PGM5: variants seen among roughly 807,000 people sequenced by gnomAD.
PGM5 encodes phosphoglucomutase-like protein 5.
A neutral mutation model predicts 59.2 loss-of-function variants in PGM5; 23 were observed. The ratio of observed to expected loss-of-function variants is 0.39; its 90% CI spans 0.28 to 0.55. The LOEUF is 0.55. Ranked by LOEUF, PGM5 falls within the 20% of genes least tolerant of loss-of-function variation. The probability of loss-of-function intolerance (pLI) is 0.66; values close to 1 mark genes in which losing one functional copy is unlikely to be tolerated. For synonymous variants in PGM5, 214 were observed against 286.0 expected, an observed-to-expected ratio of 0.75 and a Z score of 2.54; for missense variants, 574 against 748.3, an observed-to-expected ratio of 0.77 and a Z score of 2.72.
chr9:68,394,337 C>T (rs1227547182), intron 6 of PGM5: 1 of 152,060 alleles, frequency 6.6e-6, no homozygotes, highest in African/African-American at 2.4e-5. Flanking sequence ...TATGATGACG[C>T]ATGCCTGTAA....
At chr9:68,498,328 A>T (rs1044050814) in intron 9 of PGM5, 2 of 151,996 alleles carry the variant, frequency 1.3e-5, no homozygotes, top group Admixed American at 1.3e-4. Flanking sequence ...ACAAATGCAT[A>T]TCTGATTGTT....
intron 6 of PGM5, among the ~76,000 whole-genome samples, chr9:68,461,855 A>G (rs544181802): frequency 6.6e-6 from 1 of 152,198 alleles, no homozygotes; most frequent in African/African-American, 2.4e-5. Context: ...GGCAACTTGA[A>G]GTATTCTGAC....
intron 6 of PGM5, among the ~76,000 whole-genome samples, chr9:68,417,432 G>C (rs1168195862): frequency 6.6e-6 from 1 of 152,046 alleles, no homozygotes; most frequent in Non-Finnish European, 1.5e-5. Flanking sequence ...CGGGGGACGT[G>C]TGAAATGCTT....
intron 1 of PGM5, among the ~76,000 whole-genome samples, chr9:68,364,999 G>C (rs1207357982): frequency 1.3e-5 from 2 of 152,248 alleles, no homozygotes; most frequent in African/African-American, 4.8e-5. Context: ...CTTGCCCTAA[G>C]AATTTTCTAT....
intron 10 of PGM5, among the ~76,000 whole-genome samples, chr9:68,507,105 A>G (rs1824670592): frequency 6.6e-6 from 1 of 152,196 alleles, no homozygotes; most frequent in Non-Finnish European, 1.5e-5. Context: ...GAAATACCTC[A>G]TTTTATTTTT....
chr9:68,508,740 C>T (rs868945282), intron 10 of PGM5, among the ~76,000 whole-genome samples: 2 of 152,194 alleles, frequency 1.3e-5, no homozygotes, highest in Non-Finnish European at 2.9e-5. Context: ...AAGCTGTGTC[C>T]AGCACAATCT....
intron 7 of PGM5, among the ~76,000 whole-genome samples, chr9:68,465,682 A>G (rs1488346519): frequency 6.6e-6 from 1 of 152,192 alleles, no homozygotes; most frequent in Non-Finnish European, 1.5e-5. Flanking sequence ...CAGTACCATT[A>G]TCACACCTAA....
At chr9:68,453,153 T>C (rs1375998630) in intron 6 of PGM5, among the ~76,000 whole-genome samples, 1 of 152,234 alleles carries the variant, frequency 6.6e-6, no homozygotes, top group Non-Finnish European at 1.5e-5. Context: ...AATGAGCATT[T>C]GGTTTTGAAA....
At chr9:68,359,031 T>C (rs1183565035) in intron 1 of PGM5, among the ~76,000 whole-genome samples, 8 of 152,210 alleles carry the variant, frequency 5.3e-5, no homozygotes, top group African/African-American at 1.7e-4. Context: ...CTCATACTTC[T>C]TCCCGAGCCA....
chr9:68,364,160 G>A (rs1222030343), intron 1 of PGM5, among the ~76,000 whole-genome samples: 1 of 152,004 alleles, frequency 6.6e-6, no homozygotes, highest in Non-Finnish European at 1.5e-5. Context: ...GAATGTCTCA[G>A]TGTCTTGTGA....
At chr9:68,442,621 C>T (rs1554683760) in intron 6 of PGM5, among the ~76,000 whole-genome samples, 1 of 152,134 alleles carries the variant, frequency 6.6e-6, no homozygotes, top group Non-Finnish European at 1.5e-5. Flanking sequence ...CAGAAATACA[C>T]CTAAATAAAT....
chr9:68,439,720 T>C (rs1465474865), intron 6 of PGM5, among the ~76,000 whole-genome samples: 6 of 150,490 alleles, frequency 4.0e-5, no homozygotes, highest in African/African-American at 1.5e-4. Flanking sequence ...CACACACATA[T>C]ATATATATAA....
chr9:68,516,554 C>T (rs575268761), intron 10 of PGM5, among the ~76,000 whole-genome samples: 1 of 152,324 alleles, frequency 6.6e-6, no homozygotes, highest in East Asian at 1.9e-4. Flanking sequence ...AGCAGCATCA[C>T]CACCTGGGGT....
At chr9:68,500,578 C>T (rs1390711890) in intron 10 of PGM5, among the ~76,000 whole-genome samples, 1 of 152,172 alleles carries the variant, frequency 6.6e-6, no homozygotes, top group Admixed American at 6.5e-5. Context: ...GGGACACACT[C>T]TGCCAAAATA....
Position 68,467,951 on chromosome 9 carries a change from T to A in PGM5, c.1159+2743T>A, listed in dbSNP as rs575563626. Among the ~76,000 whole-genome samples the A allele has an allele frequency of 6.4e-4, 98 of 152,304 alleles. No homozygotes were observed. The South Asian group carries it at 0.02, about 31-fold the overall frequency. ...TCTATATTCTCTTGGGATTTTAAAA[T>A]ATATAATCACATAATCTATGAATAA... On this transcript the variant is annotated intron_variant, in intron 7 of 10. Transcript: ENST00000396396.
chr9:68,378,992 C>CT, intron 2 of PGM5, among the ~76,000 whole-genome samples: 1 of 152,202 alleles, frequency 6.6e-6, no homozygotes, highest in Middle Eastern at 3.4e-3. Flanking sequence ...TTTTGCTTAT[C>CT]TTTTTTTCTG....
chr9:68,466,229 G>C, intron 7 of PGM5: 1 of 1,227,702 alleles, frequency 8.1e-7, no homozygotes. Flanking sequence ...CCAATCTGCT[G>C]ATGAGCCTGT....
intron 6 of PGM5, among the ~76,000 whole-genome samples, chr9:68,430,664 A>T (rs1823329656): frequency 6.6e-6 from 1 of 152,188 alleles, no homozygotes; most frequent in African/African-American, 2.4e-5. Flanking sequence ...ATTTTTTTCC[A>T]AGCATAAAAA....
At position 68,499,282 on chromosome 9, in the gene PGM5, C is replaced by G; in HGVS notation, c.1535C>G (p.Ser512Cys). 1 of 1,614,130 alleles carries G rather than the reference C, an allele frequency of 6.2e-7. No homozygotes were observed. Among genetic ancestry groups the G allele is most frequent in the Non-Finnish European group, 8.5e-7 (1 of 1,180,000 alleles). ...CGGCTCATCTTCCGGCTCAGTTCCTCCAGTGGTGTGCGGGCCACCCTCAGA... is the reference window on the plus strand; with the variant it reads ...CGGCTCATCTTCCGGCTCAGTTCCTGCAGTGGTGTGCGGGCCACCCTCAGA... ...ASRLIFRLSS[S>C]SGVRATLRLY... Residue 512 changes from serine to cysteine, a missense_variant, in exon 10 of 11, where the codon TCC becomes TGC. Physicochemically the swap from Ser to Cys is moderately radical, Grantham distance 112. Transcript: ENST00000396396.
Sources: allele counts gnomAD v4.1 joint callset (sites outside exome capture counted in the v4.1 genomes callset), GRCh38; gene constraint gnomAD v4.1.1; transcripts MANE v1.5; gene names NCBI Gene and HGNC (gene_info 2026-07-23, HGNC 2026-07-21).